The following FOXO1 variants were observed in gnomAD, a reference collection of about 807,000 sequenced individuals.
FOXO1 encodes the protein forkhead box O1.
In FOXO1, 6 loss-of-function variants were observed where a neutral mutation model predicts 44.1. That is an observed-to-expected ratio of 0.14 (90% CI 0.07 to 0.27). FOXO1 has a LOEUF of 0.27. FOXO1 is among the 10% of genes least tolerant of loss of function. The pLI is 1.00. For missense variants in FOXO1, 737 were observed against 888.8 expected, an observed-to-expected ratio of 0.83 and a Z score of 2.17; for synonymous variants, 380 against 362.7, an observed-to-expected ratio of 1.05 and a Z score of -0.54.
At chr13:40,605,416 G>A (rs533217248) in intron 1 of FOXO1, among the ~76,000 whole-genome samples, 31 of 152,016 alleles carry the variant, frequency 2.0e-4, no homozygotes, top group Non-Finnish European at 1.8e-4. Flanking sequence ...CAGTATTACC[G>A]TCAGCATTAC....
At chr13:40,605,630 A>G (rs1037584802) in intron 1 of FOXO1, among the ~76,000 whole-genome samples, 3 of 152,008 alleles carry the variant, frequency 2.0e-5, no homozygotes, top group Admixed American at 1.3e-4. Flanking sequence ...TTGAAATTCT[A>G]CCTAAACTAC....
rs1873853198 is a variant in FOXO1 at position 40,558,692 on chromosome 13, T to C, written c.*357A>G. On this transcript the variant is annotated 3_prime_UTR_variant, in exon 3 of 3. Transcript: ENST00000379561. The stretch of plus-strand genomic sequence containing the variant: ...TAGAAAAACCAAAAACACACACAAA[T>C]ACAATCTGTATCTACTGCTTATATA... 1 of 397,394 alleles carries C rather than the reference T, an allele frequency of 2.5e-6. No homozygotes were observed. 24.6% of individuals were successfully genotyped at this position (397,394 alleles called of 1,614,324 possible). A position where few individuals can be genotyped will look rare whatever the true frequency, so the allele number is the denominator to read the frequency against.
At chr13:40,620,816 T>TTTTTTG (rs1876585042) in intron 1 of FOXO1, among the ~76,000 whole-genome samples, 1 of 149,830 alleles carries the variant, frequency 6.7e-6, no homozygotes, top group African/African-American at 2.5e-5. Flanking sequence ...TTTTTTTTTT[T>TTTTTTG]GAGATGGAGT....
intron 1 of FOXO1, among the ~76,000 whole-genome samples, chr13:40,631,894 T>C (rs908767048): frequency 6.6e-6 from 1 of 152,192 alleles, no homozygotes; most frequent in African/African-American, 2.4e-5. Context: ...CACGGAACAG[T>C]ACGTTTTAAA....
chr13:40,568,846 C>T (rs1383285310), intron 1 of FOXO1, among the ~76,000 whole-genome samples: 2 of 150,618 alleles, frequency 1.3e-5, no homozygotes, highest in East Asian at 1.9e-4. Context: ...GAAGGTACTT[C>T]GAAGGTCATC....
intron 1 of FOXO1, among the ~76,000 whole-genome samples, chr13:40,629,215 C>T (rs1225942536): frequency 6.6e-6 from 1 of 151,876 alleles, no homozygotes; most frequent in Non-Finnish European, 1.5e-5. Context: ...CAATCTCGGC[C>T]CACTGCAACC....
intron 1 of FOXO1, among the ~76,000 whole-genome samples, chr13:40,588,838 C>T (rs915990503): frequency 2.6e-4 from 39 of 152,158 alleles, no homozygotes; most frequent in Non-Finnish European, 8.8e-5. Context: ...GGAGTGATGA[C>T]TCACTCCTGT....
chr13:40,660,721 CT>C (rs1347804884), intron 1 of FOXO1, among the ~76,000 whole-genome samples: 1 of 152,128 alleles, frequency 6.6e-6, no homozygotes, highest in Non-Finnish European at 1.5e-5. Context: ...AGACCTTTAA[CT>C]TTTTTCAAGT....
chr13:40,633,201 C>T (rs1877033406), intron 1 of FOXO1, among the ~76,000 whole-genome samples: 2 of 152,168 alleles, frequency 1.3e-5, no homozygotes, highest in Admixed American at 1.3e-4. Flanking sequence ...TTTGACAGTT[C>T]CTCAAAAGGT....
chr13:40,633,291 T>G (rs1459131051), intron 1 of FOXO1, among the ~76,000 whole-genome samples: 1 of 152,122 alleles, frequency 6.6e-6, no homozygotes, highest in Admixed American at 6.5e-5. Flanking sequence ...CATACATATA[T>G]GCACATAAAA....
intron 1 of FOXO1, among the ~76,000 whole-genome samples, chr13:40,615,732 A>G (rs1412024086): frequency 6.6e-6 from 1 of 152,116 alleles, no homozygotes; most frequent in African/African-American, 2.4e-5. Context: ...AGAGTGTTCC[A>G]AAGAGAGGCA....
At chr13:40,582,231 A>T (rs1874983685) in intron 1 of FOXO1, among the ~76,000 whole-genome samples, 1 of 152,228 alleles carries the variant, frequency 6.6e-6, no homozygotes. Context: ...TTAAAAAAAT[A>T]ATGTACACAT....
At chr13:40,607,571 A>G (rs533883329) in intron 1 of FOXO1, among the ~76,000 whole-genome samples, 1 of 152,216 alleles carries the variant, frequency 6.6e-6, no homozygotes, top group African/African-American at 2.4e-5. Context: ...CTTAAAGCCT[A>G]TAGGGGAGAT....
chr13:40,581,204 T>A lies in FOXO1; in HGVS notation c.631-20344A>T, dbSNP rs1566066744. 4.6e-5 allele frequency among the ~76,000 whole-genome samples: 7 copies of A among 152,154 alleles called. No homozygotes were observed. In the East Asian group the frequency reaches 1.3e-3, roughly 29 times the overall value. ...CTTAACCCCCTTTTTTGGAAAAACC[T>A]GAAGTGACACTGCTTGAAGGCAAAA... On this transcript the variant is annotated intron_variant, in intron 1 of 2. Transcript: ENST00000379561.
chr13:40,557,682 A>T lies in FOXO1; in HGVS notation c.*1367T>A, dbSNP rs1310858012. ...ACATAATTCCTCAAGGCAGAACTAC[A>T]AAACCAACCTCCACCTGGACTGAAA... On this transcript the variant is annotated 3_prime_UTR_variant, in exon 3 of 3. Coordinates refer to ENST00000379561, the MANE Select transcript of FOXO1 (RefSeq NM_002015.4). 1 of 152,258 alleles carries T rather than the reference A, an allele frequency of 6.6e-6. No homozygotes were observed. The highest frequency in any genetic ancestry group is 1.5e-5 in the Non-Finnish European group (1 of 68,048). The allele number at this position is 152,258 out of a possible 1,614,324, so 9.4% of individuals were successfully genotyped here.
At position 40,665,688 on chromosome 13, in the gene FOXO1, G is replaced by A. The variant is rs376419643; in HGVS notation, c.525C>T (p.Ser175=). 3.9e-6 allele frequency: 6 copies of A among 1,543,184 alleles called. No homozygotes were observed. The African/African-American group carries it at 7.1e-5, about 18-fold the overall frequency. ...YADLITKAIE[S]SAEKRLTLSQ... Reference sequence around the variant, plus strand: ...ACAGCGTGAGCCGCTTCTCCGCCGAGCTCTCGATGGCCTTGGTGATGAGGT... The same window carrying A: ...ACAGCGTGAGCCGCTTCTCCGCCGAACTCTCGATGGCCTTGGTGATGAGGT... The change falls in exon 1 of 3, where the codon AGC becomes AGT. Residue 175 remains serine (S), a synonymous_variant. Coordinates refer to ENST00000379561, the MANE Select transcript of FOXO1 (RefSeq NM_002015.4).
chr13:40,602,129 A>G (rs1353037808), intron 1 of FOXO1, among the ~76,000 whole-genome samples: 1 of 152,224 alleles, frequency 6.6e-6, no homozygotes, highest in Non-Finnish European at 1.5e-5. Flanking sequence ...GTTTTTTACT[A>G]ACTACAAATT....
At chr13:40,663,364 C>G (rs1481574491) in intron 1 of FOXO1, among the ~76,000 whole-genome samples, 1 of 152,214 alleles carries the variant, frequency 6.6e-6, no homozygotes, top group Non-Finnish European at 1.5e-5. Flanking sequence ...GACTAACACT[C>G]TGACAATGCC....
intron 1 of FOXO1, among the ~76,000 whole-genome samples, chr13:40,649,420 C>T (rs1040018772): frequency 1.3e-5 from 2 of 152,174 alleles, no homozygotes; most frequent in African/African-American, 4.8e-5. Context: ...TCAATCATGA[C>T]AGAATTGATG....
Sources: gnomAD v4.1 joint callset for allele counts (sites outside exome capture counted in the v4.1 genomes callset) on GRCh38, gnomAD v4.1.1 for gene constraint, MANE v1.5 for transcripts, NCBI Gene and HGNC (gene_info 2026-07-23, HGNC 2026-07-21) for gene names.